The following RFTN2 variants were observed in gnomAD, a reference collection of about 807,000 sequenced individuals.
RFTN2 encodes the protein raftlin family member 2, also known as raftlin-2.
RFTN2 carries 34 observed loss-of-function variants against 52.7 expected under a neutral mutation model. The ratio of observed to expected loss-of-function variants is 0.64; its 90% CI spans 0.49 to 0.86. The LOEUF is 0.86. Ranked by LOEUF, RFTN2 falls within the 40% of genes least tolerant of loss-of-function variation. RFTN2 has a pLI of 0.00. For missense variants in RFTN2, 536 were observed against 600.1 expected, an observed-to-expected ratio of 0.89 and a Z score of 1.12; for synonymous variants, 203 against 217.7, an observed-to-expected ratio of 0.93 and a Z score of 0.59.
chr2:197,618,888 A>G (rs1157469060), intron 5 of RFTN2, among the ~76,000 whole-genome samples: 8 of 134,078 alleles, frequency 6.0e-5, no homozygotes, highest in African/African-American at 1.4e-4. Flanking sequence ...CCCTCCGCCC[A>G]GCAGCCACCC....
chr2:197,670,098 G>C (rs1295659852), intron 1 of RFTN2, among the ~76,000 whole-genome samples: 2 of 152,176 alleles, frequency 1.3e-5, no homozygotes, highest in Non-Finnish European at 2.9e-5. Flanking sequence ...CCACTGCAGT[G>C]TGCTAAGAGT....
chr2:197,670,139 T>C (rs1409970600), intron 1 of RFTN2, among the ~76,000 whole-genome samples: 1 of 152,198 alleles, frequency 6.6e-6, no homozygotes, highest in African/African-American at 2.4e-5. Context: ...TCTGTTTTGT[T>C]ATATATTGTC....
At chr2:197,576,865 G>A (rs191225967) in intron 8 of RFTN2, among the ~76,000 whole-genome samples, 6 of 152,212 alleles carry the variant, frequency 3.9e-5, no homozygotes, top group Non-Finnish European at 5.9e-5. Context: ...AAAAAGTTGT[G>A]AAAGGAAAAT....
chr2:197,656,168 T>C (rs2088891911), intron 1 of RFTN2, among the ~76,000 whole-genome samples: 1 of 152,172 alleles, frequency 6.6e-6, no homozygotes, highest in African/African-American at 2.4e-5. Flanking sequence ...AGTTTCCTCA[T>C]CTGCAAAATG....
At chr2:197,624,597 C>CAAAAAAA (rs746144794) in intron 5 of RFTN2, among the ~76,000 whole-genome samples, 13 of 57,904 alleles carry the variant, frequency 2.2e-4, no homozygotes, top group East Asian at 5.4e-4. Context: ...GACTCTGTCT[C>CAAAAAAA]AAAAAAAAAA....
chr2:197,667,813 C>T (rs1376466802), intron 1 of RFTN2, among the ~76,000 whole-genome samples: 1 of 152,088 alleles, frequency 6.6e-6, no homozygotes. Flanking sequence ...GTCTTTGGGC[C>T]CCAGTGGTGG....
Position 197,634,906 on chromosome 2 carries a change from T to G in RFTN2, c.439-909A>C, listed in dbSNP as rs1574727744. 6.0e-5 allele frequency among the ~76,000 whole-genome samples: 5 copies of G among 83,896 alleles called. No homozygotes were observed. The South Asian group carries it at 2.2e-3, about 37-fold the overall frequency. 55.0% of individuals were successfully genotyped at this position (83,896 alleles called of 152,430 possible). On this transcript the variant is annotated intron_variant, in intron 3 of 8. Transcript: ENST00000295049. ...CCCCCCTCCCCCCACCCCACAACAG[T>G]CCCCAGAGTGTGATATTCCCCTTCC...
intron 5 of RFTN2, among the ~76,000 whole-genome samples, chr2:197,620,051 G>T (rs1367908376): frequency 6.6e-6 from 1 of 151,806 alleles, no homozygotes; most frequent in Non-Finnish European, 1.5e-5. Flanking sequence ...TTGTATGCAT[G>T]TTAATTATAA....
chr2:197,590,484 G>A (rs908014279), intron 8 of RFTN2, among the ~76,000 whole-genome samples: 1 of 152,142 alleles, frequency 6.6e-6, no homozygotes, highest in Non-Finnish European at 1.5e-5. Flanking sequence ...TTTCTTCATT[G>A]TGCAATCCTC....
intron 8 of RFTN2, among the ~76,000 whole-genome samples, chr2:197,581,494 C>A (rs922090109): frequency 6.6e-6 from 1 of 152,220 alleles, no homozygotes; most frequent in Non-Finnish European, 1.5e-5. Flanking sequence ...GCCCTCATTA[C>A]TTCAGCCAAG....
At chr2:197,637,091 C>G (rs1166954055) in intron 3 of RFTN2, among the ~76,000 whole-genome samples, 3 of 149,940 alleles carry the variant, frequency 2.0e-5, no homozygotes, top group Non-Finnish European at 4.5e-5. Context: ...GGATGAAGCC[C>G]ACTTGATCAT....
rs536719288 is a variant in RFTN2 at position 197,654,041 on chromosome 2, T to C, written c.140-7375A>G. Among the ~76,000 whole-genome samples, 7 of 152,352 alleles carry C rather than the reference T, an allele frequency of 4.6e-5. No homozygotes were observed. The South Asian group carries it at 1.4e-3, about 32-fold the overall frequency. ...ATAAATACAATGAAAAGAAAACTTA[T>C]TACATTCTAGCTAGATAATGTTATT... is the stretch of plus-strand genomic sequence containing the variant. On this transcript the variant is annotated intron_variant, in intron 1 of 8. Transcript: ENST00000295049.
chr2:197,585,904 T>C (rs1348282927), intron 8 of RFTN2, among the ~76,000 whole-genome samples: 2 of 152,106 alleles, frequency 1.3e-5, no homozygotes, highest in Non-Finnish European at 2.9e-5. Context: ...TCCCCACATA[T>C]TCGGACCCCT....
chr2:197,629,702 ATTTATTTTATTTTAT>A (rs57395567), intron 5 of RFTN2, among the ~76,000 whole-genome samples: 2 of 141,932 alleles, frequency 1.4e-5, no homozygotes, highest in Non-Finnish European at 3.0e-5. Context: ...ACACACACAT[ATTTATTTTATTTTAT>A]TTTATTTTAT....
At chr2:197,576,987 A>G (rs2087430071) in intron 8 of RFTN2, among the ~76,000 whole-genome samples, 1 of 152,244 alleles carries the variant, frequency 6.6e-6, no homozygotes, top group Non-Finnish European at 1.5e-5. Flanking sequence ...TCACTGAGAT[A>G]AATGGATATC....
chr2:197,630,465 AAAT>A (rs1380124276), intron 5 of RFTN2, among the ~76,000 whole-genome samples: 1 of 152,176 alleles, frequency 6.6e-6, no homozygotes, highest in Admixed American at 6.5e-5. Flanking sequence ...TGATAGACAC[AAAT>A]AATTACATAC....
chr2:197,612,285 T>C (rs1381512908), intron 7 of RFTN2, among the ~76,000 whole-genome samples: 1 of 152,130 alleles, frequency 6.6e-6, no homozygotes, highest in East Asian at 1.9e-4. Context: ...CCCCCTCCCT[T>C]ACCCTCACTT....
chr2:197,571,798 G>A lies in RFTN2; in HGVS notation c.*210C>T. ...GTTTAACCAGATGTTTTAGTTGAGAGAAGTGTAAACATGATTCTAAATGTA... is the reference window on the plus strand; with the variant it reads ...GTTTAACCAGATGTTTTAGTTGAGAAAAGTGTAAACATGATTCTAAATGTA... On this transcript the variant is annotated 3_prime_UTR_variant, in exon 9 of 9. Coordinates refer to ENST00000295049, the MANE Select transcript of RFTN2 (RefSeq NM_144629.3). 1.7e-6 allele frequency: 1 copy of A among 572,880 alleles called. No individual in the cohort carries two copies. Among genetic ancestry groups the A allele is most frequent in the Non-Finnish European group, 3.1e-6 (1 of 322,846 alleles). The allele number at this position is 572,880 out of a possible 1,614,324, so 35.5% of individuals were successfully genotyped here. A position where few individuals can be genotyped will look rare whatever the true frequency, so the allele number is the denominator to read the frequency against.
At chr2:197,580,071 G>T (rs2087480172) in intron 8 of RFTN2, among the ~76,000 whole-genome samples, 1 of 151,904 alleles carries the variant, frequency 6.6e-6, no homozygotes, top group African/African-American at 2.4e-5. Flanking sequence ...GGCCCACTTG[G>T]CAACAACCCT....
Sources: gnomAD v4.1 joint callset for allele counts (sites outside exome capture counted in the v4.1 genomes callset) on GRCh38, gnomAD v4.1.1 for gene constraint, MANE v1.5 for transcripts, NCBI Gene and HGNC (gene_info 2026-07-23, HGNC 2026-07-21) for gene names.